Variants in HDAC1 observed in about 807,000 individuals in gnomAD.
The protein encoded by HDAC1 is histone deacetylase 1, also known as protein deacetylase HDAC1.
HDAC1 carries 18 observed loss-of-function variants against 65.5 expected under a neutral mutation model. The observed-to-expected ratio is 0.27, with a 90% confidence interval of 0.19 to 0.41. The LOEUF is 0.41. Ranked by LOEUF, HDAC1 falls within the 10% of genes least tolerant of loss-of-function variation. The pLI is 1.00. For synonymous variants in HDAC1, 211 were observed against 227.9 expected, an observed-to-expected ratio of 0.93 and a Z score of 0.67; for missense variants, 373 against 625.2, an observed-to-expected ratio of 0.60 and a Z score of 4.30.
intron 2 of HDAC1, among the ~76,000 whole-genome samples, chr1:32,308,520 T>G (rs1640942924): frequency 6.6e-6 from 1 of 152,126 alleles, no homozygotes; most frequent in Non-Finnish European, 1.5e-5. Context: ...TTTTTAATTT[T>G]TATTTATTTA....
intron 1 of HDAC1, among the ~76,000 whole-genome samples, chr1:32,295,573 C>T (rs1446379516): frequency 6.6e-6 from 1 of 151,744 alleles, no homozygotes; most frequent in Non-Finnish European, 1.5e-5. Context: ...GGTGGAAAGG[C>T]AAAAAAGGAT....
At position 32,333,408 on chromosome 1, in the gene HDAC1, T is replaced by G. The variant is rs1295782760; in HGVS notation, c.*364T>G. 6.1e-6 allele frequency: 1 copy of G among 164,000 alleles called. No homozygotes were observed. The highest frequency in any genetic ancestry group is 1.3e-5 in the Non-Finnish European group (1 of 76,006). The allele number at this position is 164,000 out of a possible 1,614,324, so 10.2% of individuals were successfully genotyped here. On this transcript the variant is annotated 3_prime_UTR_variant, in exon 14 of 14. Transcript: ENST00000373548. The stretch of plus-strand genomic sequence containing the variant: ...GAAGGGGTGGCTGGGTCTTCAAGGA[T>G]CTCCTGTTTTTTTCAGGCTCCTAAA...
At chr1:32,315,149 AAGG>A (rs1238939748) in intron 2 of HDAC1, among the ~76,000 whole-genome samples, 4 of 152,046 alleles carry the variant, frequency 2.6e-5, no homozygotes, top group South Asian at 2.1e-4. Flanking sequence ...TTAAAAAGGG[AAGG>A]AGGAGTCAGA....
In HDAC1 at chr1:32,330,967, T is replaced by A; in HGVS notation, c.979+59T>A. 6.4e-7 allele frequency: 1 copy of A among 1,570,910 alleles called. No individual in the cohort carries two copies. The highest frequency in any genetic ancestry group is 1.7e-5 in the Admixed American group (1 of 59,426). ...GGTGGGAGCTGGAGCTCATCTGTCC[T>A]TAAGTTTATAACCCCTTCCCCGTTG... On this transcript the variant is annotated intron_variant, in intron 9 of 13. Transcript: ENST00000373548. This position sits in a 1 kb window ranked among gnomAD's most constrained non-coding sequence, Gnocchi z 4.2.
chr1:32,322,955 G>A (rs1641168112), intron 3 of HDAC1, among the ~76,000 whole-genome samples: 1 of 152,174 alleles, frequency 6.6e-6, no homozygotes, highest in African/African-American at 2.4e-5. Context: ...AAATGAGGTT[G>A]TATATGTGAA....
chr1:32,305,311 C>T (rs2148059478), intron 2 of HDAC1, among the ~76,000 whole-genome samples: 1 of 152,252 alleles, frequency 6.6e-6, no homozygotes. Context: ...CTTTCTTGAA[C>T]ATGTCTCTTG....
chr1:32,297,408 G>A (rs7544100), intron 1 of HDAC1, among the ~76,000 whole-genome samples: 1 of 152,014 alleles, frequency 6.6e-6, no homozygotes, highest in African/African-American at 2.4e-5. Flanking sequence ...AATAAGCTGG[G>A]TGTGGTGGCA....
chr1:32,325,636 C>T (rs1461763384), intron 4 of HDAC1, among the ~76,000 whole-genome samples: 1 of 152,168 alleles, frequency 6.6e-6, no homozygotes, highest in African/African-American at 2.4e-5. Context: ...TTTCTTGTGG[C>T]TCTATGATTA....
At chr1:32,302,849 C>A in intron 2 of HDAC1, 116 bp downstream of exon 2, 1 of 673,284 alleles carries the variant, frequency 1.5e-6, no homozygotes. Flanking sequence ...TGCATGTTGA[C>A]TGCTGTTACA....
In HDAC1 at chr1:32,308,109, C is replaced by T. The variant is rs369038441; in HGVS notation, c.162+5376C>T. On this transcript the variant is annotated intron_variant, in intron 2 of 13. Coordinates refer to ENST00000373548, the MANE Select transcript of HDAC1 (RefSeq NM_004964.3). ...CCAAGGTGGGCGGATCACCTGAGGT[C>T]GGGAGTTTGAGACCAGCCTGACCAA... Among the ~76,000 whole-genome samples the T allele has an allele frequency of 4.3e-4, 65 of 152,268 alleles. No individual in the cohort carries two copies. The East Asian group carries it at 9.3e-3, about 22-fold the overall frequency.
In HDAC1 at chr1:32,329,196, G is replaced by A; in HGVS notation, c.729+36G>A. Reference sequence around the variant, plus strand: ...TTATCCACCCCTTGGGCTACAAACAGGGGATTGGTTGGCGGTGGAGGGGAG... The same window carrying A: ...TTATCCACCCCTTGGGCTACAAACAAGGGATTGGTTGGCGGTGGAGGGGAG... On this transcript the variant is annotated intron_variant, in intron 7 of 13. Transcript: ENST00000373548. This position sits in a 1 kb window ranked among gnomAD's most constrained non-coding sequence, Gnocchi z 4.1. 7.6e-7 allele frequency: 1 copy of A among 1,307,358 alleles called. No homozygotes were observed. The highest frequency in any genetic ancestry group is 1.7e-5 in the Admixed American group (1 of 59,638). 81.0% of individuals were successfully genotyped at this position (1,307,358 alleles called of 1,614,324 possible). A position where few individuals can be genotyped will look rare whatever the true frequency, so the allele number is the denominator to read the frequency against.
At chr1:32,292,553 A>AAATG in intron 1 of HDAC1, 1 of 525,104 alleles carries the variant, frequency 1.9e-6, no homozygotes, top group Non-Finnish European at 2.4e-6. Context: ...GGCTGCAAGG[A>AAATG]TACATTTTCT....
chr1:32,320,135 G>A lies in HDAC1; in HGVS notation c.280+3353G>A, dbSNP rs533172037. ...CTCGGGAGGCTGAGGCACCAGAATG[G>A]TGTGAACCCGACAGGCGGAGCTTGC... On this transcript the variant is annotated intron_variant, in intron 3 of 13. Transcript: ENST00000373548. Among the ~76,000 whole-genome samples, 5 of 151,754 alleles carry A rather than the reference G, an allele frequency of 3.3e-5. No homozygotes were observed. The South Asian group carries it at 1.0e-3, about 32-fold the overall frequency.
At chr1:32,304,110 G>T (rs376524074) in intron 2 of HDAC1, among the ~76,000 whole-genome samples, 1 of 152,146 alleles carries the variant, frequency 6.6e-6, no homozygotes, top group Non-Finnish European at 1.5e-5. Context: ...AATAAAGAGG[G>T]GCTGGAGGTG....
chr1:32,331,765 G>A lies in HDAC1; in HGVS notation c.1178G>A (p.Ser393Asn). 6.2e-7 allele frequency: 1 copy of A among 1,614,044 alleles called. No individual in the cohort carries two copies. Among genetic ancestry groups the A allele is most frequent in the Non-Finnish European group, 8.5e-7 (1 of 1,179,948 alleles). ...CCTGAGGACGCCATCCCTGAGGAGA[G>A]TGGCGATGAGGACGAAGACGACCCT... ...AIPEDAIPEE[S>N]GDEDEDDPDK... The change falls in exon 11 of 14, where the codon AGT (serine) becomes AAT (asparagine). Residue 393 changes from serine to asparagine, a missense_variant. Around this residue, in one of 4 missense-constraint regions of HDAC1, gnomAD observed 126 missense variants for 126.2 expected, o/e 1.00. Transcript: ENST00000373548. This position sits in a 1 kb window ranked among gnomAD's most constrained non-coding sequence, Gnocchi z 4.2.
At position 32,304,598 on chromosome 1, in the gene HDAC1, C is replaced by G. The variant is rs139463955; in HGVS notation, c.162+1865C>G. ...TTTTTTCTTTTTTTTGAGACAGGGT[C>G]TCACTCTGTCACCCAGACTAGAGTG... On this transcript the variant is annotated intron_variant, in intron 2 of 13. Transcript: ENST00000373548. Among the ~76,000 whole-genome samples the G allele has an allele frequency of 6.8e-3, 1,024 of 151,556 alleles. 15 individuals are homozygous for G. Among genetic ancestry groups the G allele is most frequent in the African/African-American group, 0.023 (959 of 41,300 alleles).
chr1:32,309,243 A>T (rs1366014477), intron 2 of HDAC1, among the ~76,000 whole-genome samples: 1 of 152,176 alleles, frequency 6.6e-6, no homozygotes, highest in Admixed American at 6.5e-5. Context: ...CATGCAATTT[A>T]TATGCAGTTT....
intron 1 of HDAC1, among the ~76,000 whole-genome samples, chr1:32,294,866 G>A (rs1437807977): frequency 6.8e-6 from 1 of 146,186 alleles, no homozygotes; most frequent in Non-Finnish European, 1.5e-5. Flanking sequence ...TCAATATGTT[G>A]CCTGGGCTTG....
At chr1:32,314,003 CACA>C (rs1234799549) in intron 2 of HDAC1, among the ~76,000 whole-genome samples, 18 of 152,136 alleles carry the variant, frequency 1.2e-4, no homozygotes, top group South Asian at 2.1e-4. Context: ...CATACAGATG[CACA>C]ACAATAAAAG....
Sources: gnomAD v4.1 joint callset for allele counts (sites outside exome capture counted in the v4.1 genomes callset) on GRCh38, gnomAD v4.1.1 for gene constraint, gnomAD v4.1.1 regional missense constraint, Gnocchi (gnomAD v3.1) non-coding constraint, MANE v1.5 for transcripts, NCBI Gene and HGNC (gene_info 2026-07-23, HGNC 2026-07-21) for gene names.